DMRT1: variants seen among roughly 807,000 people sequenced by gnomAD.
DMRT1 encodes doublesex- and mab-3-related transcription factor 1.
DMRT1 carries 7 observed loss-of-function variants against 32.3 expected under a neutral mutation model. The observed-to-expected ratio is 0.22, with a 90% CI of 0.12 to 0.41. The LOEUF is 0.41. DMRT1 is among the 10% of genes least tolerant of loss of function. The pLI is 1.00. For missense variants in DMRT1, 625 were observed against 500.5 expected (o/e 1.25, Z -2.37); for synonymous variants, 278 against 206.1 (o/e 1.35, Z -2.99).
Position 846,954 on chromosome 9 carries a change from T to C in DMRT1, c.355-6T>C, listed in dbSNP as rs1838930541. The C allele has an allele frequency of 5.6e-6, 9 of 1,614,010 alleles. No homozygotes were observed. Among genetic ancestry groups the C allele is most frequent in the Non-Finnish European group, 6.8e-6 (8 of 1,180,060 alleles). On this transcript the variant is annotated splice_polypyrimidine_tract_variant and splice_region_variant and intron_variant, in intron 1 of 4. Transcript: ENST00000382276. ...TGGAGGATGACTCATTGTCGTGTGC[T>C]TCCAGGTGGCCCTGAGAAGGCAGCA...
chr9:923,956 G>T (rs2129815457), intron 4 of DMRT1, among the ~76,000 whole-genome samples: 1 of 152,294 alleles, frequency 6.6e-6, no homozygotes, highest in South Asian at 2.1e-4. Flanking sequence ...AGAGAAGTAA[G>T]TGGGGCTTTC....
chr9:913,296 G>A (rs1206846307), intron 3 of DMRT1, among the ~76,000 whole-genome samples: 1 of 152,138 alleles, frequency 6.6e-6, no homozygotes, highest in Non-Finnish European at 1.5e-5. Context: ...GAGCAGGGAG[G>A]CTCCATTATT....
Position 846,996 on chromosome 9 carries a change from T to G in DMRT1, c.391T>G (p.Leu131Val). The change falls in exon 2 of 5, where the codon TTG (leucine) becomes GTG (valine). Residue 131 changes from leucine (L) to valine (V), a missense_variant. Leu to Val is a conservative substitution (Grantham distance 32, BLOSUM62 1). This residue lies in a region of DMRT1 where 416 missense variants were observed against 321.6 expected (regional missense o/e 1.29). Coordinates refer to ENST00000382276, the MANE Select transcript of DMRT1 (RefSeq NM_021951.3). ...LRRQQAQEEE[L>V]GISHPIPLPS... ...AAGGCAGCAGGCCCAGGAGGAGGAA[T>G]TGGGTATCAGCCACCCCATCCCACT... The G allele has an allele frequency of 6.2e-7, 1 of 1,614,090 alleles. No homozygotes were observed. The highest frequency in any genetic ancestry group is 2.2e-5 in the East Asian group (1 of 44,870).
chr9:860,237 C>T (rs181412159), intron 2 of DMRT1, among the ~76,000 whole-genome samples: 3 of 152,252 alleles, frequency 2.0e-5, no homozygotes, highest in Non-Finnish European at 2.9e-5. Flanking sequence ...GCGGAGGTTG[C>T]AGGGAGCCGA....
At chr9:882,969 A>C (rs1816791245) in intron 2 of DMRT1, among the ~76,000 whole-genome samples, 1 of 151,538 alleles carries the variant, frequency 6.6e-6, no homozygotes, top group Non-Finnish European at 1.5e-5. Flanking sequence ...ACGGGGTTTC[A>C]CCATGTTGGC....
intron 2 of DMRT1, among the ~76,000 whole-genome samples, chr9:879,160 G>A (rs187614643): frequency 6.6e-6 from 1 of 152,230 alleles, no homozygotes; most frequent in African/African-American, 2.4e-5. Flanking sequence ...AAAGACAGGG[G>A]CTGTTAAGAT....
intron 2 of DMRT1, among the ~76,000 whole-genome samples, chr9:871,958 T>C (rs1816287179): frequency 1.3e-5 from 2 of 151,542 alleles, no homozygotes; most frequent in Non-Finnish European, 2.9e-5. Context: ...TATATACCTA[T>C]TTACATTTTT....
chr9:937,064 T>C (rs1281878416), intron 4 of DMRT1, among the ~76,000 whole-genome samples: 1 of 152,242 alleles, frequency 6.6e-6, no homozygotes, highest in Non-Finnish European at 1.5e-5. Context: ...AATTTGCCTA[T>C]TTCAAATACC....
chr9:951,255 C>T (rs1055920627), intron 4 of DMRT1, among the ~76,000 whole-genome samples: 2 of 152,100 alleles, frequency 1.3e-5, no homozygotes, highest in Non-Finnish European at 2.9e-5. Flanking sequence ...GTAAGGACTA[C>T]ATTCAAGTTA....
rs553942371 is a variant in DMRT1, at chr9:945,531, T to G, written c.968-22454T>G. Among the ~76,000 whole-genome samples the G allele has an allele frequency of 2.2e-4, 33 of 152,348 alleles. 1 individual carries two copies. The South Asian group carries it at 6.8e-3, about 32-fold the overall frequency. On this transcript the variant is annotated intron_variant, in intron 4 of 4. Transcript: ENST00000382276. The stretch of plus-strand genomic sequence containing the variant: ...AAGATGAAACTTGCTACACTGCTAT[T>G]TTTTGTATTTTTATTCATCTAAAAA...
At chr9:862,790 A>G (rs538777961) in intron 2 of DMRT1, among the ~76,000 whole-genome samples, 49 of 152,264 alleles carry the variant, frequency 3.2e-4, no homozygotes, top group African/African-American at 1.2e-3. Context: ...CAGCGCAGCC[A>G]GCACTAGGTG....
rs772743162 is a variant in DMRT1, at chr9:894,149, G to A, written c.776G>A (p.Gly259Asp). The change falls in exon 3 of 5, where the codon GGC (glycine) becomes GAC (aspartate). Residue 259 changes from glycine (G) to aspartate (D), a missense_variant. By Grantham distance (94) the Gly-to-Asp change is moderately conservative (BLOSUM62 -1). Coordinates refer to ENST00000382276, the MANE Select transcript of DMRT1 (RefSeq NM_021951.3). ...TCCCCTGTGAAGAACAGCCTTCGGG[G>A]CCTCCCCGGACCTTATGTGCCTGGT... ...GGSPVKNSLR[G>D]LPGPYVPGQT... The A allele has an allele frequency of 1.9e-6, 3 of 1,614,082 alleles. No homozygotes were observed. The highest frequency in any genetic ancestry group is 1.1e-5 in the South Asian group (1 of 91,084).
chr9:861,050 CTTTTTTTTTTTT>C (rs140608243), intron 2 of DMRT1, among the ~76,000 whole-genome samples: 5 of 121,370 alleles, frequency 4.1e-5, no homozygotes, highest in African/African-American at 1.2e-4. Context: ...AATTTACTTT[CTTTTTTTTTTTT>C]TTTTTTTTTT....
chr9:848,513 G>T (rs890085050), intron 2 of DMRT1, among the ~76,000 whole-genome samples: 2 of 149,720 alleles, frequency 1.3e-5, no homozygotes, highest in Non-Finnish European at 3.0e-5. Context: ...GCTGCTCATA[G>T]TATGTCCTTA....
intron 2 of DMRT1, among the ~76,000 whole-genome samples, chr9:879,492 T>C (rs894696573): frequency 3.3e-5 from 5 of 152,234 alleles, no homozygotes; most frequent in African/African-American, 1.2e-4. Context: ...TCAGGTAGGC[T>C]GTTGTTCTAA....
intron 4 of DMRT1, among the ~76,000 whole-genome samples, chr9:932,874 C>G (rs949167829): frequency 6.6e-6 from 1 of 151,778 alleles, no homozygotes; most frequent in African/African-American, 2.4e-5. Flanking sequence ...GGAAGATGTG[C>G]ATGGGGCGCG....
rs201141931 is a variant in DMRT1, at chr9:911,470, ATTTTTTTTTTTTTT to A, written c.823-5265_823-5252del. On this transcript the variant is annotated intron_variant, in intron 3 of 4. Transcript: ENST00000382276. ...CCATGCCTTTTTCTGGGTTAATTGC[ATTTTTTTTTTTTTT>A]TTTTTTTTTTTTTTTTTTTTTTTTT... Among the ~76,000 whole-genome samples, 402 of 66,780 alleles carry A rather than the reference ATTTTTTTTTTTTTT, an allele frequency of 6.0e-3. 2 individuals are homozygous for A. The highest frequency in any genetic ancestry group is 0.015 in the African/African-American group (391 of 25,692). 43.8% of individuals were successfully genotyped at this position (66,780 alleles called of 152,430 possible).
intron 4 of DMRT1, among the ~76,000 whole-genome samples, chr9:947,733 T>G (rs1819294284): frequency 1.3e-5 from 2 of 152,018 alleles, no homozygotes; most frequent in African/African-American, 4.8e-5. Context: ...CCCCTTCACT[T>G]TAGATGTGGA....
At chr9:886,246 G>GT (rs974198605) in intron 2 of DMRT1, among the ~76,000 whole-genome samples, 2 of 152,140 alleles carry the variant, frequency 1.3e-5, no homozygotes, top group African/African-American at 4.8e-5. Flanking sequence ...AGCCAACTGT[G>GT]TTTTTTTGTT....
Sources: allele counts gnomAD v4.1 joint callset (sites outside exome capture counted in the v4.1 genomes callset), GRCh38; gene constraint gnomAD v4.1.1; regional missense constraint gnomAD v4.1.1; transcripts MANE v1.5; gene names NCBI Gene and HGNC (gene_info 2026-07-23, HGNC 2026-07-21).